The following EMC3 variants were observed in gnomAD, a reference collection of about 807,000 sequenced individuals.
EMC3 encodes 30 kDa protein.
Under a neutral mutation model 36.6 loss-of-function variants are expected in EMC3, and 13 were observed. That is an observed-to-expected ratio of 0.35 (90% CI 0.23 to 0.56). The LOEUF is 0.56. Ranked by LOEUF, EMC3 falls within the 20% of genes least tolerant of loss-of-function variation. The probability of loss-of-function intolerance (pLI) is 0.84; values close to 1 mark genes in which losing one functional copy is unlikely to be tolerated. For synonymous variants in EMC3, 120 were observed against 111.9 expected (o/e 1.07, Z -0.46); for missense variants, 220 against 324.5 (o/e 0.68, Z 2.47).
chr3:9,969,459 T>A, intron 7 of EMC3: 2 of 1,360,536 alleles, frequency 1.5e-6, no homozygotes, highest in East Asian at 3.1e-5. Flanking sequence ...CACCTCCGAT[T>A]GGATTATTTT....
chr3:9,972,369 G>A (rs539331456), intron 5 of EMC3, among the ~76,000 whole-genome samples: 122 of 150,418 alleles, frequency 8.1e-4, no homozygotes, highest in African/African-American at 2.9e-3. Flanking sequence ...GCCCCCAATT[G>A]TGATAGAAAA....
intron 6 of EMC3, 70 bp downstream of exon 6, chr3:9,970,512 C>T (rs952408632): frequency 3.8e-5 from 58 of 1,522,722 alleles, no homozygotes; most frequent in Non-Finnish European, 4.9e-5. Context: ...ACCTACAAGA[C>T]TTTTCTGGCT....
At chr3:9,976,087 T>C (rs2085846763) in intron 3 of EMC3, among the ~76,000 whole-genome samples, 1 of 152,078 alleles carries the variant, frequency 6.6e-6, no homozygotes, top group South Asian at 2.1e-4. Context: ...AACAAATTAC[T>C]TTGTTTTACT....
chr3:10,007,451 G>T (rs766241803), intron 1 of EMC3: 5 of 1,367,682 alleles, frequency 3.7e-6, no homozygotes, highest in Non-Finnish European at 4.9e-6. Flanking sequence ...CACTTGTTCT[G>T]CTGGGCTCCT....
intron 1 of EMC3, among the ~76,000 whole-genome samples, chr3:9,980,352 A>G (rs2085896774): frequency 6.7e-6 from 1 of 149,656 alleles, no homozygotes; most frequent in African/African-American, 2.5e-5. Context: ...TAAGAGCAAA[A>G]GGAAACTAAT....
At chr3:9,981,389 T>G (rs890049553) in intron 1 of EMC3, among the ~76,000 whole-genome samples, 1 of 152,216 alleles carries the variant, frequency 6.6e-6, no homozygotes, top group African/African-American at 2.4e-5. Flanking sequence ...CCCTGAGGTA[T>G]TTCAAGACCT....
chr3:9,987,008 G>T (rs552794789), upstream of EMC3: 21 of 1,063,054 alleles, frequency 2.0e-5, no homozygotes, highest in South Asian at 1.7e-4. Flanking sequence ...GAGGTCAGGG[G>T]ATCGAGACCA....
chr3:9,986,347 C>G (rs2124920150), intron 1 of EMC3, among the ~76,000 whole-genome samples, 160 bp downstream of exon 1: 1 of 152,294 alleles, frequency 6.6e-6, no homozygotes, highest in East Asian at 1.9e-4. Context: ...TGTTATCATC[C>G]CCATTTCACA....
At chr3:9,994,200 A>T (rs575798244) in intron 1 of EMC3, 1 of 1,584,914 alleles carries the variant, frequency 6.3e-7, no homozygotes, top group South Asian at 1.1e-5. Flanking sequence ...TCTTAAGGAT[A>T]TGTGTTCATC....
chr3:9,987,875 G>T, upstream of EMC3: 2 of 789,956 alleles, frequency 2.5e-6, no homozygotes, highest in South Asian at 2.7e-5. Context: ...TGAATGAGCA[G>T]AACACCATAG....
intron 1 of EMC3, among the ~76,000 whole-genome samples, chr3:9,979,530 G>A (rs1356866096): frequency 1.3e-5 from 2 of 152,158 alleles, no homozygotes; most frequent in African/African-American, 4.8e-5. Context: ...TTCATATTCT[G>A]TACAAGGGTA....
intron 7 of EMC3, 113 bp from the exon 8 acceptor site, chr3:9,964,310 T>G (rs1326619096): frequency 4.1e-6 from 6 of 1,462,850 alleles, no homozygotes; most frequent in African/African-American, 1.4e-5. Flanking sequence ...GCTATCTGCA[T>G]GTATAAGCTC....
At chr3:9,987,336 G>T (rs1019150898), upstream of EMC3, 6 of 985,130 alleles carry the variant, frequency 6.1e-6, no homozygotes, top group South Asian at 2.3e-4. Flanking sequence ...TTAAGTCCGG[G>T]CCGCGGTCGG....
chr3:9,971,169 C>G (rs1239754619), intron 5 of EMC3, among the ~76,000 whole-genome samples: 1 of 152,104 alleles, frequency 6.6e-6, no homozygotes. Flanking sequence ...GTGATCCGCC[C>G]ACCTCAGCCT....
At chr3:9,972,328 G>A (rs1394652518) in intron 5 of EMC3, among the ~76,000 whole-genome samples, 1 of 151,990 alleles carries the variant, frequency 6.6e-6, no homozygotes, top group Non-Finnish European at 1.5e-5. Context: ...TAACTTTCTG[G>A]GGGTTGATAC....
intron 1 of EMC3, chr3:10,006,545 C>G (rs754998769): frequency 2.0e-4 from 33 of 165,156 alleles, no homozygotes; most frequent in Non-Finnish European, 2.8e-4. Context: ...TCAGAGAGAC[C>G]AATTCCACGT....
chr3:9,987,595 G>C (rs943021783), upstream of EMC3, among the ~76,000 whole-genome samples: 1 of 152,182 alleles, frequency 6.6e-6, no homozygotes, highest in Non-Finnish European at 1.5e-5. Flanking sequence ...CTGACTAACT[G>C]AGAATGTTGA....
intron 7 of EMC3, among the ~76,000 whole-genome samples, chr3:9,967,011 T>C (rs1424011895): frequency 6.6e-6 from 1 of 152,244 alleles, no homozygotes; most frequent in African/African-American, 2.4e-5. Flanking sequence ...CAAAGTTTTA[T>C]GTCCCCTTAA....
At chr3:10,003,591 C>T (rs142601630) in intron 1 of EMC3, 161 of 229,534 alleles carry the variant, frequency 7.0e-4, no homozygotes, top group Middle Eastern at 3.4e-3. Context: ...GGTCCAGGAT[C>T]ACATGCTGAT....
Sources: allele counts gnomAD v4.1 joint callset (sites outside exome capture counted in the v4.1 genomes callset), GRCh38; gene constraint gnomAD v4.1.1; transcripts MANE v1.5; gene names NCBI Gene and HGNC (gene_info 2026-07-23, HGNC 2026-07-21).